FARP1: variants seen among roughly 807,000 people sequenced by gnomAD.
The protein encoded by FARP1 is FERM, ARHGEF and pleckstrin domain-containing protein 1.
Under a neutral mutation model 128.8 loss-of-function variants are expected in FARP1, and 52 were observed. That is an observed-to-expected ratio of 0.40 (90% CI 0.32 to 0.51). The LOEUF is 0.51. Among genes scored for constraint, FARP1 ranks in the 20% least tolerant of loss-of-function variants. The probability of loss-of-function intolerance (pLI) is 0.45; values close to 1 mark genes in which losing one functional copy is unlikely to be tolerated. For missense variants in FARP1, 1,333 were observed against 1,367.9 expected (o/e 0.97, Z 0.40); for synonymous variants, 580 against 551.8 (o/e 1.05, Z -0.72).
In FARP1 at chr13:98,274,066, A is replaced by G. The variant is rs147361955; in HGVS notation, c.171+60653A>G. ...TTGCTTCTGAGGGGACAGACTTTTC[A>G]GGGCAACCACCCTCTCCACCAGCAT... On this transcript the variant is annotated intron_variant, in intron 2 of 26. Transcript: ENST00000319562. Among the ~76,000 whole-genome samples, 608 of 152,256 alleles carry G rather than the reference A, an allele frequency of 4.0e-3. 8 individuals carry two copies. The highest frequency in any genetic ancestry group is 0.014 in the African/African-American group (566 of 41,552).
chr13:98,341,343 G>A (rs186559789), intron 2 of FARP1, among the ~76,000 whole-genome samples: 1 of 152,128 alleles, frequency 6.6e-6, no homozygotes, highest in East Asian at 1.9e-4. Flanking sequence ...TATAAAACAA[G>A]TAACTGTGGG....
At chr13:98,363,023 A>C (rs1326433493) in intron 3 of FARP1, among the ~76,000 whole-genome samples, 2 of 152,220 alleles carry the variant, frequency 1.3e-5, no homozygotes, top group African/African-American at 2.4e-5. Flanking sequence ...AATTGCCAAC[A>C]GCTCAACCTG....
chr13:98,245,324 C>A, intron 2 of FARP1: 8 of 985,354 alleles, frequency 8.1e-6, no homozygotes, highest in Non-Finnish European at 9.6e-6. Flanking sequence ...GTCTTACCAG[C>A]TTATTGATAA....
intron 1 of FARP1, among the ~76,000 whole-genome samples, 173 bp from the exon 2 acceptor site, chr13:98,213,047 G>A (rs1880827348): frequency 6.6e-6 from 1 of 152,174 alleles, no homozygotes; most frequent in Non-Finnish European, 1.5e-5. Flanking sequence ...AAAAGTATTT[G>A]CATGCCTTGA....
intron 24 of FARP1, 120 bp downstream of exon 24, chr13:98,440,956 G>T: frequency 1.0e-6 from 1 of 990,384 alleles, no homozygotes; most frequent in Non-Finnish European, 1.5e-6. Context: ...ACCTACCCGC[G>T]GTGGCTGAGC....
chr13:98,377,792 C>T, intron 5 of FARP1, 29 bp from the exon 6 acceptor site: 2 of 1,584,994 alleles, frequency 1.3e-6, no homozygotes, highest in African/African-American at 1.3e-5. Flanking sequence ...CCCTCTTTGC[C>T]TGACGCCCAG....
At chr13:98,184,979 C>T (rs1315527146) in intron 1 of FARP1, among the ~76,000 whole-genome samples, 5 of 152,078 alleles carry the variant, frequency 3.3e-5, no homozygotes, top group Admixed American at 2.0e-4. Flanking sequence ...ATATTTCCAC[C>T]ATGGCCAGTT....
At chr13:98,252,363 C>T (rs972698106) in intron 2 of FARP1, among the ~76,000 whole-genome samples, 1 of 152,170 alleles carries the variant, frequency 6.6e-6, no homozygotes, top group Non-Finnish European at 1.5e-5. Flanking sequence ...CAGCGTGGCT[C>T]TTGTCAGGTT....
chr13:98,414,836 AC>A (rs1462393199), intron 16 of FARP1, among the ~76,000 whole-genome samples: 3 of 152,244 alleles, frequency 2.0e-5, no homozygotes, highest in Non-Finnish European at 4.4e-5. Flanking sequence ...TTCCATTAAA[AC>A]AAAATGACTG....
intron 1 of FARP1, among the ~76,000 whole-genome samples, chr13:98,151,954 G>A (rs189839360): frequency 2.2e-3 from 328 of 152,106 alleles, no homozygotes; most frequent in African/African-American, 7.2e-3. Context: ...GAGCCACCAC[G>A]CCTGGCCATA....
At chr13:98,443,328 C>T (rs1892605826) in intron 24 of FARP1, among the ~76,000 whole-genome samples, 1 of 152,230 alleles carries the variant, frequency 6.6e-6, no homozygotes, top group South Asian at 2.1e-4. Flanking sequence ...GGGACCTGGG[C>T]TGCTCTATCA....
intron 1 of FARP1, among the ~76,000 whole-genome samples, chr13:98,163,740 C>T (rs2139137297): frequency 6.7e-6 from 1 of 149,608 alleles, no homozygotes; most frequent in East Asian, 2.0e-4. Flanking sequence ...CGGAGTTTCG[C>T]TCTTGTCGCC....
chr13:98,388,096 G>C (rs1044131563), intron 8 of FARP1, among the ~76,000 whole-genome samples: 3 of 152,092 alleles, frequency 2.0e-5, no homozygotes, highest in African/African-American at 7.2e-5. Context: ...GGTTGTCATG[G>C]TTTTTATTTC....
intron 16 of FARP1, among the ~76,000 whole-genome samples, chr13:98,413,146 AC>A (rs1447623999): frequency 6.6e-6 from 1 of 152,190 alleles, no homozygotes; most frequent in Non-Finnish European, 1.5e-5. Flanking sequence ...CCGGCTTTGT[AC>A]ATTTTTTATA....
At chr13:98,405,102 G>A (rs999283145) in intron 13 of FARP1, 2 of 152,180 alleles carry the variant, frequency 1.3e-5, no homozygotes, top group East Asian at 1.9e-4. Flanking sequence ...ACCGGTACAT[G>A]GTTAACAGGC....
At chr13:98,328,082 C>G (rs1186144815) in intron 2 of FARP1, 1 of 152,170 alleles carries the variant, frequency 6.6e-6, no homozygotes, top group Non-Finnish European at 1.5e-5. Context: ...GCTGAGGACA[C>G]GCAGGCCCTC....
At chr13:98,188,108 A>T (rs901965808) in intron 1 of FARP1, among the ~76,000 whole-genome samples, 7 of 152,120 alleles carry the variant, frequency 4.6e-5, no homozygotes, top group African/African-American at 1.7e-4. Context: ...CTGCTTGAAC[A>T]TGGCTGCCGC....
chr13:98,422,396 A>G (rs1249115400), intron 16 of FARP1, among the ~76,000 whole-genome samples: 4 of 152,182 alleles, frequency 2.6e-5, no homozygotes, highest in African/African-American at 9.6e-5. Flanking sequence ...AGCAGCTAAG[A>G]GAACGCAGAG....
chr13:98,253,005 G>C (rs765804930), intron 2 of FARP1, among the ~76,000 whole-genome samples: 92 of 152,306 alleles, frequency 6.0e-4, no homozygotes, highest in Middle Eastern at 3.4e-3. Flanking sequence ...TAGCTACTTA[G>C]CTATGACTGC....
Sources: allele counts gnomAD v4.1 joint callset (sites outside exome capture counted in the v4.1 genomes callset), GRCh38; gene constraint gnomAD v4.1.1; transcripts MANE v1.5; gene names NCBI Gene and HGNC (gene_info 2026-07-23, HGNC 2026-07-21).